PRKG1: variants seen among roughly 807,000 people sequenced by gnomAD.
The protein encoded by PRKG1 is cGMP-dependent protein kinase 1.
A neutral mutation model predicts 88.1 loss-of-function variants in PRKG1; 35 were observed. That is an observed-to-expected ratio of 0.40 (90% CI 0.30 to 0.53). The LOEUF (loss-of-function observed/expected upper bound fraction) is 0.53, where lower values mean the gene tolerates loss of function less well. PRKG1 is among the 20% of genes least tolerant of loss of function. PRKG1 has a pLI of 0.59. For missense variants in PRKG1, 540 were observed against 839.8 expected (o/e 0.64, Z 4.41); for synonymous variants, 303 against 292.5 (o/e 1.04, Z -0.37).
At chr10:51,190,683 A>G (rs951173749) in intron 2 of PRKG1, among the ~76,000 whole-genome samples, 4 of 151,826 alleles carry the variant, frequency 2.6e-5, no homozygotes, top group African/African-American at 9.7e-5. Flanking sequence ...TAATATTTAC[A>G]TATAGGACAG....
intron 2 of PRKG1, among the ~76,000 whole-genome samples, chr10:51,255,873 G>A (rs1397000108): frequency 6.6e-6 from 1 of 152,010 alleles, no homozygotes; most frequent in Non-Finnish European, 1.5e-5. Context: ...TTGAGAGGAG[G>A]AAAAGGAGAC....
intron 3 of PRKG1, chr10:51,698,353 C>T (rs755471672): frequency 1.2e-6 from 2 of 1,614,192 alleles, no homozygotes; most frequent in South Asian, 1.1e-5. Context: ...TTTGATCTAT[C>T]ATGGGGCCTC....
At chr10:51,877,642 A>G (rs1841332137) in intron 4 of PRKG1, among the ~76,000 whole-genome samples, 1 of 152,212 alleles carries the variant, frequency 6.6e-6, no homozygotes, top group Admixed American at 6.5e-5. Context: ...ACCACCGAAC[A>G]TCTTTCCATA....
chr10:51,371,246 T>G (rs1550718), intron 2 of PRKG1, among the ~76,000 whole-genome samples: 5 of 151,906 alleles, frequency 3.3e-5, no homozygotes, highest in African/African-American at 1.2e-4. Flanking sequence ...ATCTTTAAAA[T>G]GATGATCATG....
intron 3 of PRKG1, among the ~76,000 whole-genome samples, chr10:51,737,747 ATTATTATTATT>A (rs1272195772): frequency 5.6e-5 from 6 of 106,558 alleles, no homozygotes; most frequent in African/African-American, 2.1e-4. Flanking sequence ...ATTAATTATT[ATTATTATTATT>A]ATTATTATTA....
chr10:51,228,744 A>G (rs145137635), intron 2 of PRKG1, among the ~76,000 whole-genome samples: 2,291 of 152,252 alleles, frequency 0.015, 29 homozygotes, highest in Middle Eastern at 0.037. Flanking sequence ...GAATTAAGTA[A>G]TCATTTTCCT....
intron 10 of PRKG1, among the ~76,000 whole-genome samples, chr10:52,259,907 A>T (rs554059711): frequency 6.6e-6 from 1 of 152,108 alleles, no homozygotes; most frequent in African/African-American, 2.4e-5. Flanking sequence ...GTCCTCTTAT[A>T]TTTGTGAAAA....
intron 2 of PRKG1, among the ~76,000 whole-genome samples, chr10:51,450,331 A>C (rs929284665): frequency 3.9e-5 from 6 of 152,084 alleles, no homozygotes; most frequent in Middle Eastern, 3.4e-3. Context: ...TTTTCTAAGC[A>C]GTGTATATAA....
At chr10:51,832,543 G>C (rs1244875564) in intron 4 of PRKG1, among the ~76,000 whole-genome samples, 1 of 152,010 alleles carries the variant, frequency 6.6e-6, no homozygotes, top group Non-Finnish European at 1.5e-5. Context: ...TCTACTCTAA[G>C]GGTGAGGGGA....
At chr10:51,567,375 C>G (rs1263046253) in intron 3 of PRKG1, among the ~76,000 whole-genome samples, 1 of 152,012 alleles carries the variant, frequency 6.6e-6, no homozygotes, top group Non-Finnish European at 1.5e-5. Context: ...ATCTGCCTTC[C>G]TAGACACTTT....
intron 3 of PRKG1, among the ~76,000 whole-genome samples, chr10:51,780,785 C>A (rs73347256): frequency 1.3e-5 from 2 of 152,038 alleles, no homozygotes; most frequent in East Asian, 3.9e-4. Flanking sequence ...AATAAAACTG[C>A]GAAGGTCATT....
chr10:51,768,882 TA>T (rs1393930105), intron 3 of PRKG1, among the ~76,000 whole-genome samples: 1 of 152,050 alleles, frequency 6.6e-6, no homozygotes, highest in Non-Finnish European at 1.5e-5. Flanking sequence ...GTCTCATAAA[TA>T]AAAAAATGAT....
intron 2 of PRKG1, among the ~76,000 whole-genome samples, chr10:51,423,088 G>A (rs561229311): frequency 6.6e-6 from 1 of 151,232 alleles, no homozygotes; most frequent in Non-Finnish European, 1.5e-5. Context: ...TCTGAAAGAA[G>A]AAAGAATAAC....
intron 2 of PRKG1, among the ~76,000 whole-genome samples, chr10:51,178,607 G>A (rs1313395126): frequency 2.6e-5 from 4 of 152,152 alleles, no homozygotes; most frequent in Non-Finnish European, 5.9e-5. Context: ...ACTGCACTCC[G>A]GCCTGGAAGA....
At chr10:51,307,306 GTAT>G (rs1841064218) in intron 2 of PRKG1, among the ~76,000 whole-genome samples, 2 of 152,022 alleles carry the variant, frequency 1.3e-5, no homozygotes. Context: ...ACATAGAAAA[GTAT>G]TATTATCTTA....
At chr10:51,218,013 G>A (rs1838415680) in intron 2 of PRKG1, among the ~76,000 whole-genome samples, 1 of 151,916 alleles carries the variant, frequency 6.6e-6, no homozygotes, top group Non-Finnish European at 1.5e-5. Flanking sequence ...CATTTCAAGG[G>A]CCATTTTAGC....
intron 2 of PRKG1, among the ~76,000 whole-genome samples, chr10:51,266,712 G>A (rs190385118): frequency 2.2e-3 from 332 of 152,234 alleles, no homozygotes; most frequent in African/African-American, 7.6e-3. Flanking sequence ...GCAGCACAAA[G>A]GTCAATGCAT....
At chr10:51,927,512 G>C (rs923410585) in intron 5 of PRKG1, among the ~76,000 whole-genome samples, 1 of 152,150 alleles carries the variant, frequency 6.6e-6, no homozygotes, top group Non-Finnish European at 1.5e-5. Flanking sequence ...ACGTTAAATA[G>C]TAACAGTAAT....
In PRKG1 at chr10:51,606,751, A is replaced by G. The variant is rs576970539; in HGVS notation, c.592+138915A>G. On this transcript the variant is annotated intron_variant, in intron 3 of 17. Transcript: ENST00000373980. ...GTCTTCTATCATCATTTCTTAAATG[A>G]GTGAATCTAAGTAGGTTCTTTCTGC... is the stretch of plus-strand genomic sequence containing the variant. Among the ~76,000 whole-genome samples, 3 of 152,266 alleles carry G rather than the reference A, an allele frequency of 2.0e-5. No individual in the cohort carries two copies. In the East Asian group the frequency reaches 5.8e-4, roughly 29 times the overall value.
Sources: gnomAD v4.1 joint callset for allele counts (sites outside exome capture counted in the v4.1 genomes callset) on GRCh38, gnomAD v4.1.1 for gene constraint, MANE v1.5 for transcripts, NCBI Gene and HGNC (gene_info 2026-07-23, HGNC 2026-07-21) for gene names.